Variants in F2 observed in about 807,000 individuals in gnomAD.
The protein encoded by F2 is coagulation factor II, thrombin.
In F2, 34 loss-of-function variants were observed where a neutral mutation model predicts 81.9. That is an observed-to-expected ratio of 0.42 (90% CI 0.32 to 0.55). The LOEUF (loss-of-function observed/expected upper bound fraction) is 0.55, where lower values mean the gene tolerates loss of function less well. F2 is among the 20% of genes least tolerant of loss of function. The pLI, the probability that F2 is intolerant of heterozygous loss-of-function variation, is 0.18. For synonymous variants in F2, 296 were observed against 326.4 expected, an observed-to-expected ratio of 0.91 and a Z score of 1.01; for missense variants, 630 against 833.4, an observed-to-expected ratio of 0.76 and a Z score of 3.00.
chr11:46,719,559 G>C lies in F2; in HGVS notation c.80-143G>C. The C allele has an allele frequency of 8.6e-7, 1 of 1,167,572 alleles. No individual in the cohort carries two copies. The highest frequency in any genetic ancestry group is 1.2e-6 in the Non-Finnish European group (1 of 820,166). The allele number at this position is 1,167,572 out of a possible 1,614,324, so 72.3% of individuals were successfully genotyped here. On this transcript the variant is annotated intron_variant, in intron 1 of 13. Transcript: ENST00000311907. The surrounding 1 kb of genome is among the most constrained non-coding windows in gnomAD (Gnocchi z 4.7). The stretch of plus-strand genomic sequence containing the variant: ...GGAGGGGCACAGGGGGCCACATTTA[G>C]CAGCCTTCCAGGCACTTCCACCAGC...
At chr11:46,738,285 C>T (rs2064956840) in intron 12 of F2, among the ~76,000 whole-genome samples, 1 of 152,060 alleles carries the variant, frequency 6.6e-6, no homozygotes, top group Non-Finnish European at 1.5e-5. Context: ...AGGTGTGAGC[C>T]ACAGCACCTA....
At chr11:46,725,561 A>T (rs991211017) in intron 6 of F2, among the ~76,000 whole-genome samples, 1 of 152,168 alleles carries the variant, frequency 6.6e-6, no homozygotes, top group Non-Finnish European at 1.5e-5. Context: ...CTCCTCCAGC[A>T]GCTCCAGGCA....
intron 6 of F2, among the ~76,000 whole-genome samples, chr11:46,725,017 G>T (rs923959734): frequency 1.4e-5 from 2 of 146,498 alleles, no homozygotes; most frequent in South Asian, 4.3e-4. Flanking sequence ...TGATCCTCCC[G>T]CCTCGGCCTC....
chr11:46,735,809 C>T (rs1159622782), intron 12 of F2, among the ~76,000 whole-genome samples: 1 of 151,894 alleles, frequency 6.6e-6, no homozygotes, highest in Non-Finnish European at 1.5e-5. Flanking sequence ...GTAATCCCAG[C>T]TACTCGGGAG....
At position 46,728,044 on chromosome 11, in the gene F2, C is replaced by T; in HGVS notation, c.1179C>T (p.Ala393=). The change falls in exon 10 of 14, where the codon GCC becomes GCT. Residue 393 remains alanine (A), a synonymous_variant. Coordinates refer to ENST00000311907, the MANE Select transcript of F2 (RefSeq NM_000506.5). The surrounding 1 kb of genome is among the most constrained non-coding windows in gnomAD (Gnocchi z 5.1). Reference sequence around the variant, plus strand: ...GTCCCCAGGAGCTGCTGTGTGGGGCCAGCCTCATCAGTGACCGCTGGGTCC... The same window carrying T: ...GTCCCCAGGAGCTGCTGTGTGGGGCTAGCCTCATCAGTGACCGCTGGGTCC... ...RKSPQELLCG[A]SLISDRWVLT... is the part of the protein sequence containing the mutation. 1 of 1,610,790 alleles carries T rather than the reference C, an allele frequency of 6.2e-7. No individual in the cohort carries two copies. Among genetic ancestry groups the T allele is most frequent in the Non-Finnish European group, 8.5e-7 (1 of 1,178,908 alleles).
At position 46,738,738 on chromosome 11, in the gene F2, G is replaced by C. The variant is rs546766164; in HGVS notation, c.1655-310G>C. Among the ~76,000 whole-genome samples the C allele has an allele frequency of 1.6e-3, 247 of 152,320 alleles. 1 individual carries two copies. The highest frequency in any genetic ancestry group is 5.5e-3 in the African/African-American group (230 of 41,566). On this transcript the variant is annotated intron_variant, in intron 12 of 13. Transcript: ENST00000311907. ...GGCTTGGGCATGAGCCACCTCCCCT[G>C]GTCTGGTCCAACTTTTTAAAAGCAT...
chr11:46,735,563 C>T (rs2064938912), intron 12 of F2, among the ~76,000 whole-genome samples: 1 of 152,004 alleles, frequency 6.6e-6, no homozygotes, highest in African/African-American at 2.4e-5. Flanking sequence ...TTCAATACTG[C>T]AGTGAGCTAT....
chr11:46,735,841 G>A (rs1189709825), intron 12 of F2, among the ~76,000 whole-genome samples: 1 of 151,712 alleles, frequency 6.6e-6, no homozygotes, highest in Non-Finnish European at 1.5e-5. Flanking sequence ...AGAATCGCTT[G>A]AACCTGGGAG....
chr11:46,725,085 T>TTTTTTTTG (rs60235063), intron 6 of F2, among the ~76,000 whole-genome samples: 1 of 136,058 alleles, frequency 7.3e-6, no homozygotes, highest in Non-Finnish European at 1.6e-5. Flanking sequence ...TTTTTTTTTT[T>TTTTTTTTG]TTGAGATGGA....
chr11:46,723,064 T>C lies in F2; in HGVS notation c.317-116T>C. ...TGCAGAGGAAGAGGGGCTGGGTGAA[T>C]GCAGGTTCAGGATTGTGGACCTGCA... On this transcript the variant is annotated intron_variant, in intron 4 of 13. Transcript: ENST00000311907. This position sits in a 1 kb window ranked among gnomAD's most constrained non-coding sequence, Gnocchi z 5.6. 2 of 869,078 alleles carry C rather than the reference T, an allele frequency of 2.3e-6. No individual in the cohort carries two copies. Among genetic ancestry groups the C allele is most frequent in the Non-Finnish European group, 4.0e-6 (2 of 502,002 alleles). 53.8% of individuals were successfully genotyped at this position (869,078 alleles called of 1,614,324 possible).
Position 46,728,868 on chromosome 11 carries a change from G to T in F2, c.1472+31G>T. The T allele has an allele frequency of 6.2e-7, 1 of 1,611,582 alleles. No homozygotes were observed. Among genetic ancestry groups the T allele is most frequent in the Non-Finnish European group, 8.5e-7 (1 of 1,179,530 alleles). On this transcript the variant is annotated intron_variant, in intron 11 of 13. Coordinates refer to ENST00000311907, the MANE Select transcript of F2 (RefSeq NM_000506.5). The surrounding 1 kb of genome is among the most constrained non-coding windows in gnomAD (Gnocchi z 5.1). ...CCACCAGATGCTTGTTAGCTGAGGG[G>T]CAGAAGCCAAGTTCTGGGCCTGGCT...
Position 46,739,245 on chromosome 11 carries a change from ACCT to A in F2, c.1726-18_1726-16del, listed in dbSNP as rs760946037. On this transcript the variant is annotated splice_polypyrimidine_tract_variant and intron_variant, in intron 13 of 13. Transcript: ENST00000311907. Reference sequence around the variant, plus strand: ...GACCTTGAACTTGACTCTATTGGAAACCTCATCTTTCTTCTTCAGAGCCCCTTT... The same window carrying A: ...GACCTTGAACTTGACTCTATTGGAAACATCTTTCTTCTTCAGAGCCCCTTT... 1.2e-6 allele frequency: 2 copies of A among 1,613,400 alleles called. No homozygotes were observed. Among genetic ancestry groups the A allele is most frequent in the South Asian group, 2.2e-5 (2 of 91,060 alleles).
At chr11:46,725,757 C>T in intron 6 of F2, 102 bp from the exon 7 acceptor site, 3 of 1,336,958 alleles carry the variant, frequency 2.2e-6, no homozygotes, top group Non-Finnish European at 2.1e-6. Context: ...AACCTGAGGT[C>T]ACACAGGCAG....
chr11:46,727,676 G>A (rs1262310132), intron 9 of F2, among the ~76,000 whole-genome samples: 1 of 152,168 alleles, frequency 6.6e-6, no homozygotes, highest in Non-Finnish European at 1.5e-5. Context: ...TACTAAGGAG[G>A]CTGAGGCGGG....
intron 12 of F2, among the ~76,000 whole-genome samples, chr11:46,730,658 C>G (rs1022900281): frequency 6.6e-6 from 1 of 151,724 alleles, no homozygotes; most frequent in Admixed American, 6.6e-5. Flanking sequence ...ATGTGACTGA[C>G]TTTAAAAGTA....
chr11:46,720,033 TG>T, intron 2 of F2, 171 bp downstream of exon 2: 3 of 877,160 alleles, frequency 3.4e-6, no homozygotes, highest in Non-Finnish European at 5.3e-6. Flanking sequence ...CAGCCTTTCC[TG>T]GGGGTCTCTG....
chr11:46,729,618 G>A, intron 12 of F2, 57 bp downstream of exon 12: 1 of 1,585,284 alleles, frequency 6.3e-7, no homozygotes, highest in South Asian at 1.1e-5. Context: ...GGAGAACTGA[G>A]TTGTGCCTGG....
At chr11:46,730,326 T>G (rs1194588747) in intron 12 of F2, among the ~76,000 whole-genome samples, 1 of 151,718 alleles carries the variant, frequency 6.6e-6, no homozygotes, top group African/African-American at 2.4e-5. Flanking sequence ...ATCAATCAGG[T>G]GGCCAGAGAA....
chr11:46,727,171 G>A (rs886670581), intron 9 of F2, among the ~76,000 whole-genome samples: 4 of 152,188 alleles, frequency 2.6e-5, no homozygotes, highest in Middle Eastern at 3.4e-3. Flanking sequence ...ACAGACATGC[G>A]CCACCACACC....
Sources: allele counts gnomAD v4.1 joint callset (sites outside exome capture counted in the v4.1 genomes callset), GRCh38; gene constraint gnomAD v4.1.1; non-coding constraint Gnocchi (gnomAD v3.1); transcripts MANE v1.5; gene names NCBI Gene and HGNC (gene_info 2026-07-23, HGNC 2026-07-21).